ZNF236: variants seen among roughly 807,000 people sequenced by gnomAD.
ZNF236 encodes regulated by glucose.
Under a neutral mutation model 191.2 loss-of-function variants are expected in ZNF236, and 50 were observed. The observed-to-expected ratio is 0.26, with a 90% CI of 0.21 to 0.33. The LOEUF is 0.33. ZNF236 is among the 10% of genes least tolerant of loss of function. ZNF236 has a pLI of 1.00. For synonymous variants in ZNF236, 907 were observed against 928.8 expected (o/e 0.98, Z 0.43); for missense variants, 1,754 against 2,374.5 (o/e 0.74, Z 5.43).
chr18:76,877,863 A>C (rs1976758578), intron 6 of ZNF236, 146 bp from the exon 7 acceptor site: 2 of 561,022 alleles, frequency 3.6e-6, no homozygotes, highest in East Asian at 2.9e-5. Context: ...AGAACTATCT[A>C]ATTTAAAAGA....
intron 11 of ZNF236, among the ~76,000 whole-genome samples, chr18:76,901,754 G>C (rs574612548): frequency 1.3e-5 from 2 of 150,736 alleles, no homozygotes; most frequent in African/African-American, 4.9e-5. Context: ...GTGAAACTCT[G>C]TCTCAAAAAA....
rs1968884553 is a variant in ZNF236, at chr18:76,970,145, T to C, written c.*1806T>C. The stretch of plus-strand genomic sequence containing the variant: ...ATTTTGTATTGAAATATTTTAGAAA[T>C]GTTGATTAATTTTGGTGAAAAAATA... On this transcript the variant is annotated 3_prime_UTR_variant, in exon 31 of 31. Transcript: ENST00000320610. The C allele has an allele frequency of 1.3e-5, 2 of 152,668 alleles. No individual in the cohort carries two copies. Among genetic ancestry groups the C allele is most frequent in the South Asian group, 4.1e-4 (2 of 4,832 alleles). 9.5% of individuals were successfully genotyped at this position (152,668 alleles called of 1,614,324 possible).
intron 29 of ZNF236, 93 bp downstream of exon 29, chr18:76,959,909 C>T (rs562698484): frequency 3.5e-4 from 483 of 1,386,372 alleles, no homozygotes; most frequent in Non-Finnish European, 4.2e-4. Flanking sequence ...TATTCACGAG[C>T]GATGGAATGC....
chr18:76,845,785 G>A (rs777583511), intron 1 of ZNF236, among the ~76,000 whole-genome samples: 2 of 152,132 alleles, frequency 1.3e-5, no homozygotes, highest in Non-Finnish European at 2.9e-5. Context: ...GGAGGTGAAG[G>A]TTGCAGTGAG....
rs1423559762 is a variant in ZNF236 at position 76,878,082 on chromosome 18, A to C, written c.914A>C (p.His305Pro). ...AAAAGTTTAGGCAGCTTAAACACGC[A>C]TATCAGCAAGATGCATATGGGTGGG... is the stretch of plus-strand genomic sequence containing the variant. The part of the protein sequence containing the change: ...VFKSLGSLNT[H>P]ISKMHMGGPQ... Residue 305 changes from histidine to proline, a missense_variant, in exon 7 of 31, where the codon CAT (histidine) becomes CCT (proline). By Grantham distance (77) the His-to-Pro change is moderately conservative. This residue lies in a region of ZNF236 where 336 missense variants were observed against 495.1 expected (regional missense o/e 0.68). Transcript: ENST00000320610. 6.2e-7 allele frequency: 1 copy of C among 1,613,476 alleles called. No individual in the cohort carries two copies.
chr18:76,826,628 T>TA (rs778196167), intron 1 of ZNF236, among the ~76,000 whole-genome samples: 5,987 of 139,824 alleles, frequency 0.043, 342 homozygotes, highest in African/African-American at 0.14. Context: ...CCAGCCGTAC[T>TA]AAAAAAAAAA....
intron 19 of ZNF236, among the ~76,000 whole-genome samples, chr18:76,918,659 C>G (rs1230420136): frequency 1.3e-5 from 2 of 152,012 alleles, no homozygotes; most frequent in Non-Finnish European, 2.9e-5. Context: ...ACTTCCCTGC[C>G]AAGCCCCACC....
intron 11 of ZNF236, among the ~76,000 whole-genome samples, chr18:76,900,967 C>A (rs1977572964): frequency 6.6e-6 from 1 of 152,154 alleles, no homozygotes; most frequent in African/African-American, 2.4e-5. Context: ...GCCTAGATCC[C>A]TCACATGCAC....
Position 76,968,840 on chromosome 18 carries a change from T to C in ZNF236, c.*501T>C. On this transcript the variant is annotated 3_prime_UTR_variant, in exon 31 of 31. Coordinates refer to ENST00000320610, the MANE Select transcript of ZNF236 (RefSeq NM_001306089.2). ...TTTTTTCCACTCTTTTCTCTGTGCA[T>C]TTTGAAAATTAGTCAAAATGGACTC... The C allele has an allele frequency of 1.0e-6, 1 of 987,182 alleles. No homozygotes were observed. The highest frequency in any genetic ancestry group is 1.7e-5 in the African/African-American group (1 of 57,386). 61.2% of individuals were successfully genotyped at this position (987,182 alleles called of 1,614,324 possible). A position where few individuals can be genotyped will look rare whatever the true frequency, so the allele number is the denominator to read the frequency against.
chr18:76,831,868 G>A (rs182282994), intron 1 of ZNF236, among the ~76,000 whole-genome samples: 1 of 152,196 alleles, frequency 6.6e-6, no homozygotes, highest in Admixed American at 6.5e-5. Flanking sequence ...GCTGTATGCC[G>A]TTTTATTACT....
chr18:76,948,832 G>A (rs963029298), intron 27 of ZNF236, among the ~76,000 whole-genome samples: 1 of 152,202 alleles, frequency 6.6e-6, no homozygotes, highest in Non-Finnish European at 1.5e-5. Flanking sequence ...CAGGTCAAAC[G>A]GATGCAGTGG....
intron 3 of ZNF236, among the ~76,000 whole-genome samples, chr18:76,853,537 T>A (rs1309485989): frequency 1.3e-5 from 2 of 152,170 alleles, no homozygotes; most frequent in Non-Finnish European, 2.9e-5. Flanking sequence ...CCACCCATAG[T>A]GGACTTTAAC....
At chr18:76,930,803 C>T (rs566952808) in intron 25 of ZNF236, among the ~76,000 whole-genome samples, 2 of 152,146 alleles carry the variant, frequency 1.3e-5, no homozygotes, top group Admixed American at 6.5e-5. Flanking sequence ...AGTTTCATTC[C>T]ACACAGTGTG....
At chr18:76,930,880 A>C (rs1967827344) in intron 25 of ZNF236, among the ~76,000 whole-genome samples, 1 of 152,248 alleles carries the variant, frequency 6.6e-6, no homozygotes, top group African/African-American at 2.4e-5. Flanking sequence ...AATACTTCAC[A>C]GCTTAAAAAG....
rs1976339147 is a variant in ZNF236 at position 76,864,372 on chromosome 18, A to T, written c.364-4313A>T. On this transcript the variant is annotated intron_variant, in intron 3 of 30. Coordinates refer to ENST00000320610, the MANE Select transcript of ZNF236 (RefSeq NM_001306089.2). ...CCACCACCACACCCGGCTAGTTTTT[A>T]TATTTTTAGTAGAGATGGCGTTTCA... Among the ~76,000 whole-genome samples the T allele has an allele frequency of 2.0e-5, 3 of 151,688 alleles. No homozygotes were observed. In the South Asian group the frequency reaches 6.2e-4, roughly 32 times the overall value.
chr18:76,929,784 A>G (rs904260322), intron 25 of ZNF236, among the ~76,000 whole-genome samples: 4 of 152,328 alleles, frequency 2.6e-5, no homozygotes, highest in African/African-American at 9.6e-5. Context: ...GGGCTGCAAA[A>G]AGCATTTAAT....
intron 1 of ZNF236, among the ~76,000 whole-genome samples, chr18:76,847,226 A>G (rs532988930): frequency 6.6e-6 from 1 of 152,214 alleles, no homozygotes; most frequent in Non-Finnish European, 1.5e-5. Context: ...AAATTGTTTT[A>G]TCATCCTGAG....
intron 1 of ZNF236, among the ~76,000 whole-genome samples, chr18:76,828,961 CTT>C (rs138042278): frequency 0.059 from 8,909 of 152,182 alleles, 392 homozygotes; most frequent in Non-Finnish European, 0.09. Context: ...ACCGTGGAGT[CTT>C]TAGTAATTTG....
intron 1 of ZNF236, among the ~76,000 whole-genome samples, chr18:76,835,184 A>T (rs185773889): frequency 5.9e-5 from 9 of 152,306 alleles, no homozygotes. Context: ...GTGAGTTCTC[A>T]TAAGTTATTG....
Sources: allele counts gnomAD v4.1 joint callset (sites outside exome capture counted in the v4.1 genomes callset), GRCh38; gene constraint gnomAD v4.1.1; regional missense constraint gnomAD v4.1.1; transcripts MANE v1.5; gene names NCBI Gene and HGNC (gene_info 2026-07-23, HGNC 2026-07-21).